The following VPS26A variants were observed in gnomAD, a reference collection of about 807,000 sequenced individuals.
VPS26A encodes the protein vacuolar protein sorting-associated protein 26A.
Under a neutral mutation model 42.4 loss-of-function variants are expected in VPS26A, and 22 were observed. That is an observed-to-expected ratio of 0.52 (90% confidence interval 0.37 to 0.74). The LOEUF (loss-of-function observed/expected upper bound fraction) is 0.74. Ranked by LOEUF, VPS26A falls within the 30% of genes least tolerant of loss-of-function variation. The pLI is 0.00. For missense variants in VPS26A, 276 were observed against 379.2 expected, an observed-to-expected ratio of 0.73 and a Z score of 2.26; for synonymous variants, 110 against 123.5, an observed-to-expected ratio of 0.89 and a Z score of 0.73.
rs773159591 is a variant in VPS26A at position 69,155,828 on chromosome 10, A to C, written c.170A>C (p.Lys57Thr). The C allele has an allele frequency of 1.2e-6, 2 of 1,612,284 alleles. No homozygotes were observed. The highest frequency in any genetic ancestry group is 2.7e-5 in the African/African-American group (2 of 74,872). ...SVSGKVNLAFKQPGKRLEHQG... is the reference protein window; with the variant it reads ...SVSGKVNLAFTQPGKRLEHQG... Reference sequence around the variant, plus strand: ...TTTTGGCAGGTAAACCTAGCCTTTAAGCAACCTGGAAAGAGGCTAGAACAC... The same window carrying C: ...TTTTGGCAGGTAAACCTAGCCTTTACGCAACCTGGAAAGAGGCTAGAACAC... The change falls in exon 3 of 9, where the codon AAG (lysine) becomes ACG (threonine). Residue 57 changes from lysine to threonine, a missense_variant. Transcript: ENST00000263559.
At chr10:69,161,044 A>G (rs1002462517) in intron 5 of VPS26A, among the ~76,000 whole-genome samples, 1 of 152,084 alleles carries the variant, frequency 6.6e-6, no homozygotes, top group South Asian at 2.1e-4. Context: ...TCATACACCA[A>G]ATATTTCAAG....
chr10:69,161,242 G>A (rs1841555491), intron 5 of VPS26A, among the ~76,000 whole-genome samples: 1 of 151,996 alleles, frequency 6.6e-6, no homozygotes. Flanking sequence ...CTAATTTTTA[G>A]AAGAGATTAC....
chr10:69,151,892 T>C (rs1018335278), intron 2 of VPS26A, among the ~76,000 whole-genome samples: 3 of 152,222 alleles, frequency 2.0e-5, no homozygotes, highest in African/African-American at 7.2e-5. Flanking sequence ...TTGAAATAGC[T>C]GGGATTATGC....
intron 7 of VPS26A, among the ~76,000 whole-genome samples, chr10:69,166,338 T>C (rs2132238012): frequency 6.6e-6 from 1 of 152,360 alleles, no homozygotes; most frequent in African/African-American, 2.4e-5. Flanking sequence ...CTAGAGACAG[T>C]TATATGTATC....
intron 2 of VPS26A, among the ~76,000 whole-genome samples, chr10:69,136,170 A>G (rs1281450075): frequency 2.0e-5 from 3 of 152,048 alleles, no homozygotes; most frequent in African/African-American, 7.2e-5. Context: ...AATCAAACTC[A>G]AGTTTGATTC....
rs756755639 is a variant in VPS26A at position 69,166,129 on chromosome 10, A to G, written c.727+19A>G. 6.2e-7 allele frequency: 1 copy of G among 1,608,086 alleles called. No homozygotes were observed. The highest frequency in any genetic ancestry group is 8.5e-7 in the Non-Finnish European group (1 of 1,175,202). On this transcript the variant is annotated intron_variant, in intron 7 of 8. Transcript: ENST00000263559. ...GTAAAAGGTAACACACTTTTCAGTT[A>G]CTTCTTTTGTATAGTGCAAACATCA...
intron 1 of VPS26A, among the ~76,000 whole-genome samples, chr10:69,131,098 G>A (rs1480586488): frequency 6.6e-6 from 1 of 152,086 alleles, no homozygotes; most frequent in Non-Finnish European, 1.5e-5. Flanking sequence ...TGATTCTCCT[G>A]CCTCAGCCTC....
chr10:69,157,921 G>A (rs550379560), intron 4 of VPS26A, 126 bp from the exon 5 acceptor site: 29 of 764,010 alleles, frequency 3.8e-5, no homozygotes, highest in Admixed American at 6.9e-5. Context: ...AAGTAATGAA[G>A]TAAGTTGATC....
intron 5 of VPS26A, chr10:69,161,718 C>T (rs755913538): frequency 2.5e-6 from 1 of 397,596 alleles, no homozygotes; most frequent in Non-Finnish European, 5.0e-6. Flanking sequence ...CCTCCACCAA[C>T]TTAACATACA....
At chr10:69,140,549 A>AT (rs1160829889) in intron 2 of VPS26A, among the ~76,000 whole-genome samples, 3 of 151,420 alleles carry the variant, frequency 2.0e-5, no homozygotes, top group African/African-American at 7.3e-5. Flanking sequence ...TATTATTATT[A>AT]TTTTTGGTAT....
At chr10:69,163,910 C>T (rs1055936371) in intron 6 of VPS26A, among the ~76,000 whole-genome samples, 5 of 151,108 alleles carry the variant, frequency 3.3e-5, no homozygotes, top group African/African-American at 7.3e-5. Flanking sequence ...GGACTACAGG[C>T]GCCCACCATC....
intron 2 of VPS26A, among the ~76,000 whole-genome samples, chr10:69,148,068 T>G (rs79919463): frequency 2.7e-5 from 4 of 150,052 alleles, no homozygotes; most frequent in African/African-American, 9.8e-5. Context: ...TTGCTGAGAA[T>G]TTTTTTTTTA....
intron 2 of VPS26A, among the ~76,000 whole-genome samples, chr10:69,148,387 T>C (rs1266512544): frequency 1.3e-5 from 2 of 152,168 alleles, no homozygotes; most frequent in Admixed American, 6.6e-5. Flanking sequence ...TTTTGTTTAG[T>C]CCAAGATTAT....
chr10:69,145,803 T>G (rs746630893), intron 2 of VPS26A, among the ~76,000 whole-genome samples: 2 of 152,098 alleles, frequency 1.3e-5, no homozygotes, highest in Admixed American at 6.6e-5. Context: ...TATAGTGATT[T>G]TTACTATATT....
chr10:69,156,002 T>A, intron 3 of VPS26A, 115 bp downstream of exon 3: 1 of 737,062 alleles, frequency 1.4e-6, no homozygotes, highest in Non-Finnish European at 2.2e-6. Flanking sequence ...AAGGAATTGA[T>A]TTTGCATAAT....
At chr10:69,166,341 T>C (rs1478636613) in intron 7 of VPS26A, among the ~76,000 whole-genome samples, 1 of 152,270 alleles carries the variant, frequency 6.6e-6, no homozygotes, top group Non-Finnish European at 1.5e-5. Context: ...GAGACAGTTA[T>C]ATGTATCTAT....
chr10:69,166,405 G>A (rs773300594), intron 7 of VPS26A, among the ~76,000 whole-genome samples: 2 of 151,608 alleles, frequency 1.3e-5, no homozygotes, highest in Non-Finnish European at 2.9e-5. Context: ...ACAATAGTTC[G>A]TCTTTGTAAA....
At chr10:69,156,892 A>T in intron 3 of VPS26A, 115 bp from the exon 4 acceptor site, 1 of 961,066 alleles carries the variant, frequency 1.0e-6, no homozygotes, top group Non-Finnish European at 1.5e-6. Flanking sequence ...CTAGTTTATT[A>T]GAGACAAACT....
At chr10:69,125,418 G>A (rs1159040148) in intron 1 of VPS26A, among the ~76,000 whole-genome samples, 1 of 152,148 alleles carries the variant, frequency 6.6e-6, no homozygotes, top group Non-Finnish European at 1.5e-5. Flanking sequence ...AGCTTACAAT[G>A]TAGGGAGAGA....
Sources: gnomAD v4.1 joint callset for allele counts (sites outside exome capture counted in the v4.1 genomes callset) on GRCh38, gnomAD v4.1.1 for gene constraint, MANE v1.5 for transcripts, NCBI Gene and HGNC (gene_info 2026-07-23, HGNC 2026-07-21) for gene names.